Variants in TXNL4B observed in about 807,000 individuals in gnomAD.
The protein encoded by TXNL4B is thioredoxin like 4B, also known as thioredoxin-like protein 4B.
In TXNL4B, 12 loss-of-function variants were observed where a neutral mutation model predicts 13.0. That is an observed-to-expected ratio of 0.92 (90% CI 0.59 to 1.49). The LOEUF is 1.49. Ranked by LOEUF, TXNL4B falls within the 40% of genes most tolerant of loss-of-function variation. The pLI is 0.00. For synonymous variants in TXNL4B, 59 were observed against 58.9 expected (o/e 1.00, Z -0.01); for missense variants, 214 against 173.6 (o/e 1.23, Z -1.31).
chr16:72,093,877 G>C (rs1348297110), upstream of TXNL4B: 1 of 152,368 alleles, frequency 6.6e-6, no homozygotes, highest in African/African-American at 2.4e-5. Flanking sequence ...CGTGTTCCAG[G>C]CTGCTCTCTA....
chr16:72,086,800 G>A lies in TXNL4B; in HGVS notation c.287C>T (p.Ser96Phe). ...NGQHMKVDYG[S>F]PDHTKFVGSF... ...TCCCACAAACTTAGTGTGATCTGGAGATCTAGACAGCATAGAAGAGAAACA... is the reference window on the plus strand; with the variant it reads ...TCCCACAAACTTAGTGTGATCTGGAAATCTAGACAGCATAGAAGAGAAACA... Residue 96 changes from serine to phenylalanine, a missense_variant and splice_region_variant, in exon 4 of 4, where the codon TCT becomes TTT. Physicochemically the swap from Ser to Phe is radical, Grantham distance 155. Coordinates refer to ENST00000268483, the MANE Select transcript of TXNL4B (RefSeq NM_017853.3). 1 of 1,601,344 alleles carries A rather than the reference G, an allele frequency of 6.2e-7. No individual in the cohort carries two copies. The highest frequency in any genetic ancestry group is 1.1e-5 in the South Asian group (1 of 90,054).
chr16:72,093,121 C>G (rs1438170294), intron 1 of TXNL4B, among the ~76,000 whole-genome samples: 2 of 152,252 alleles, frequency 1.3e-5, no homozygotes, highest in East Asian at 3.9e-4. Context: ...CAGGCGCGCG[C>G]CACAACTGCA....
At chr16:72,088,057 A>G (rs8058609) in intron 3 of TXNL4B, among the ~76,000 whole-genome samples, 70,994 of 151,546 alleles carry the variant, frequency 0.47, 18,490 homozygotes, top group African/African-American at 0.71. Flanking sequence ...CTGACCTCAT[A>G]ATCTGCCTGC....
Position 72,086,604 on chromosome 16 carries a change from C to A in TXNL4B, c.*33G>T. 1 of 1,585,494 alleles carries A rather than the reference C, an allele frequency of 6.3e-7. No individual in the cohort carries two copies. The highest frequency in any genetic ancestry group is 8.6e-7 in the Non-Finnish European group (1 of 1,156,212). On this transcript the variant is annotated 3_prime_UTR_variant, in exon 4 of 4. Coordinates refer to ENST00000268483, the MANE Select transcript of TXNL4B (RefSeq NM_017853.3). ...GATTCAGGTACTGTGTCAAGATGTG[C>A]CTTCTTCTTCATCTTTGACAGCAAT...
chr16:72,090,926 C>G (rs937421718), intron 1 of TXNL4B, 140 bp from the exon 2 acceptor site: 27 of 695,844 alleles, frequency 3.9e-5, no homozygotes, highest in Admixed American at 2.0e-4. Context: ...GTGGAGTTTC[C>G]CTCTCTTTGT....
Position 72,089,085 on chromosome 16 carries a change from A to G in TXNL4B, c.186T>C (p.Asp62=), listed in dbSNP as rs1384551955. The change falls in exon 3 of 4, where the codon GAT becomes GAC. Residue 62 remains aspartate (D), a synonymous_variant. Transcript: ENST00000268483. ...GTGTATAAACTGCAGTTTGGTCCAC[A>G]TCTACCAGGTATATAGCAGCCATTT... ...LSKMAAIYLV[D]VDQTAVYTQY... 2.5e-6 allele frequency: 4 copies of G among 1,612,846 alleles called. No individual in the cohort carries two copies. Among genetic ancestry groups the G allele is most frequent in the Non-Finnish European group, 3.4e-6 (4 of 1,178,820 alleles).
chr16:72,086,894 T>G (rs935921822), intron 3 of TXNL4B, 92 bp from the exon 4 acceptor site: 1 of 997,436 alleles, frequency 1.0e-6, no homozygotes, highest in African/African-American at 1.6e-5. Context: ...AAAACAGCTT[T>G]GTTATTTTCT....
chr16:72,088,800 T>A (rs1466602585), intron 3 of TXNL4B, among the ~76,000 whole-genome samples, 187 bp downstream of exon 3: 1 of 152,168 alleles, frequency 6.6e-6, no homozygotes, highest in African/African-American at 2.4e-5. Flanking sequence ...AATTTGACAA[T>A]CATACCAGAA....
chr16:72,085,177 T>A lies in TXNL4B; in HGVS notation c.*1460A>T, dbSNP rs1567594486. On this transcript the variant is annotated 3_prime_UTR_variant, in exon 4 of 4. Coordinates refer to ENST00000268483, the MANE Select transcript of TXNL4B (RefSeq NM_017853.3). ...GTGCCTGGCAGCCTTCCCTCTCTCC[T>A]GTATGAGCCAAAAGCAAGACTCATG... 2 of 395,628 alleles carry A rather than the reference T, an allele frequency of 5.1e-6. No individual in the cohort carries two copies. 24.5% of individuals were successfully genotyped at this position (395,628 alleles called of 1,614,324 possible). A position where few individuals can be genotyped will look rare whatever the true frequency, so the allele number is the denominator to read the frequency against.
chr16:72,090,624 A>G lies in TXNL4B; in HGVS notation c.126T>C (p.Asp42=). ...RDEDPVCLQL[D]DILSKTSSDL... is the part of the protein sequence containing the mutation. ...ATTTTAGACATTCACTTACAATATCATCTAGCTGCAGACAGACAGGATCTT... is the reference window on the plus strand; with the variant it reads ...ATTTTAGACATTCACTTACAATATCGTCTAGCTGCAGACAGACAGGATCTT... Residue 42 remains aspartate, a synonymous_variant, in exon 2 of 4, where the codon GAT becomes GAC. Transcript: ENST00000268483. 6.2e-7 allele frequency: 1 copy of G among 1,613,824 alleles called. No homozygotes were observed. The highest frequency in any genetic ancestry group is 1.7e-4 in the Middle Eastern group (1 of 6,060).
intron 2 of TXNL4B, among the ~76,000 whole-genome samples, 162 bp downstream of exon 2, chr16:72,090,456 G>C (rs1053404569): frequency 7.9e-5 from 12 of 152,174 alleles, no homozygotes; most frequent in African/African-American, 2.9e-4. Flanking sequence ...ACACAGATTT[G>C]GGGGCTTGGT....
rs960404655 is a variant in TXNL4B, at chr16:72,085,207, C to A, written c.*1430G>T. On this transcript the variant is annotated 3_prime_UTR_variant, in exon 4 of 4. Transcript: ENST00000268483. Reference sequence around the variant, plus strand: ...GAGCCAAAAGCAAGACTCATGGCACCCCTCCCTGCAGGAAAGGGGTGGAAT... The same window carrying A: ...GAGCCAAAAGCAAGACTCATGGCACACCTCCCTGCAGGAAAGGGGTGGAAT... 2.8e-5 allele frequency: 11 copies of A among 391,414 alleles called. No individual in the cohort carries two copies. The highest frequency in any genetic ancestry group is 8.9e-5 in the Admixed American group (2 of 22,480). 24.2% of individuals were successfully genotyped at this position (391,414 alleles called of 1,614,324 possible). A position where few individuals can be genotyped will look rare whatever the true frequency, so the allele number is the denominator to read the frequency against.
In TXNL4B at chr16:72,086,780, C is replaced by T. The variant is rs139585916; in HGVS notation, c.307G>A (p.Val103Met). ...TCTTGTTTGGTTTTGAAGCTTCCCA[C>T]AAACTTAGTGTGATCTGGAGATCTA... ...DYGSPDHTKFVGSFKTKQDFI... is the reference protein window; with the variant it reads ...DYGSPDHTKFMGSFKTKQDFI... Residue 103 changes from valine (V) to methionine (M), a missense_variant, in exon 4 of 4, where the codon GTG (valine) becomes ATG (methionine). Coordinates refer to ENST00000268483, the MANE Select transcript of TXNL4B (RefSeq NM_017853.3). The T allele has an allele frequency of 2.5e-6, 4 of 1,612,154 alleles. No homozygotes were observed. Among genetic ancestry groups the T allele is most frequent in the Non-Finnish European group, 3.4e-6 (4 of 1,178,602 alleles).
intron 1 of TXNL4B, among the ~76,000 whole-genome samples, chr16:72,092,381 C>G (rs1224614183): frequency 2.6e-5 from 4 of 151,662 alleles, no homozygotes; most frequent in Non-Finnish European, 4.4e-5. Context: ...CCACTGCACT[C>G]CAGCCTGGGC....
intron 2 of TXNL4B, chr16:72,090,294 G>A (rs2041885358): frequency 4.3e-6 from 2 of 467,274 alleles, no homozygotes; most frequent in Non-Finnish European, 8.5e-6. Context: ...TTCCTACTGG[G>A]AAATGGGGCT....
intron 1 of TXNL4B, among the ~76,000 whole-genome samples, chr16:72,092,751 T>C (rs902049883): frequency 6.6e-6 from 1 of 152,190 alleles, no homozygotes; most frequent in African/African-American, 2.4e-5. Context: ...ATGTCCATAG[T>C]AAATGATACC....
intron 2 of TXNL4B, chr16:72,090,285 T>TC (rs2041885033): frequency 2.2e-6 from 1 of 462,274 alleles, no homozygotes; most frequent in Non-Finnish European, 4.3e-6. Context: ...GTTTTTTTTT[T>TC]CCTACTGGGA....
At chr16:72,087,330 G>C (rs1312926494) in intron 3 of TXNL4B, 13 of 132,364 alleles carry the variant, frequency 9.8e-5, no homozygotes, top group African/African-American at 3.5e-4. Flanking sequence ...CCAATCTTGT[G>C]TGTGTGTGTG....
At position 72,086,128 on chromosome 16, in the gene TXNL4B, G is replaced by C. The variant is rs1293490745; in HGVS notation, c.*509C>G. 6.6e-6 allele frequency: 1 copy of C among 152,456 alleles called. No individual in the cohort carries two copies. Among genetic ancestry groups the C allele is most frequent in the East Asian group, 1.9e-4 (1 of 5,192 alleles). 9.4% of individuals were successfully genotyped at this position (152,456 alleles called of 1,614,324 possible). ...TTTGAAGAGAACCTACAGTAATACA[G>C]ACTGGAGATGGGAAAGCACGAGGGA... is the stretch of plus-strand genomic sequence containing the variant. On this transcript the variant is annotated 3_prime_UTR_variant, in exon 4 of 4. Transcript: ENST00000268483.
Sources: gnomAD v4.1 joint callset for allele counts (sites outside exome capture counted in the v4.1 genomes callset) on GRCh38, gnomAD v4.1.1 for gene constraint, MANE v1.5 for transcripts, NCBI Gene and HGNC (gene_info 2026-07-23, HGNC 2026-07-21) for gene names.